PBX3: variants seen among roughly 807,000 people sequenced by gnomAD.
PBX3 encodes pre-B-cell leukemia transcription factor 3.
In PBX3, 14 loss-of-function variants were observed where a neutral mutation model predicts 48.5. The observed-to-expected ratio is 0.29, with a 90% CI of 0.19 to 0.45. The LOEUF (loss-of-function observed/expected upper bound fraction) is 0.45, where lower values mean the gene tolerates loss of function less well. Ranked by LOEUF, PBX3 falls within the 20% of genes least tolerant of loss-of-function variation. PBX3 has a pLI of 1.00. For missense variants in PBX3, 386 were observed against 546.7 expected (o/e 0.71, Z 2.93); for synonymous variants, 210 against 200.3 (o/e 1.05, Z -0.41).
intron 2 of PBX3, among the ~76,000 whole-genome samples, chr9:125,868,196 G>C (rs1029971736): frequency 6.6e-6 from 1 of 150,986 alleles, no homozygotes; most frequent in African/African-American, 2.4e-5. Context: ...TTTTTTACAT[G>C]CTTCCTGTGT....
chr9:125,887,865 T>G (rs1588261515), intron 2 of PBX3, among the ~76,000 whole-genome samples: 2 of 152,170 alleles, frequency 1.3e-5, no homozygotes, highest in Admixed American at 6.5e-5. Context: ...ATAGAAGTTA[T>G]TAACTACAAA....
At chr9:125,856,047 A>G (rs893774954) in intron 2 of PBX3, among the ~76,000 whole-genome samples, 4 of 151,920 alleles carry the variant, frequency 2.6e-5, no homozygotes, top group Non-Finnish European at 5.9e-5. Context: ...GGCCCAAACC[A>G]TAGCCTTATT....
At chr9:125,810,941 G>A (rs1838271993) in intron 2 of PBX3, among the ~76,000 whole-genome samples, 1 of 152,172 alleles carries the variant, frequency 6.6e-6, no homozygotes, top group South Asian at 2.1e-4. Flanking sequence ...TCTTCCATGA[G>A]GATTTGGTTA....
intron 2 of PBX3, among the ~76,000 whole-genome samples, chr9:125,756,019 T>C (rs1836509416): frequency 6.6e-6 from 1 of 152,094 alleles, no homozygotes; most frequent in Non-Finnish European, 1.5e-5. Flanking sequence ...TGCACCAATG[T>C]CACTAAATTG....
intron 2 of PBX3, among the ~76,000 whole-genome samples, chr9:125,788,149 A>G (rs191368411): frequency 3.2e-4 from 49 of 152,358 alleles, no homozygotes; most frequent in Non-Finnish European, 5.6e-4. Flanking sequence ...TTAGATAATT[A>G]GTTGTTTAAT....
intron 2 of PBX3, among the ~76,000 whole-genome samples, chr9:125,810,365 A>AGTGTGTGTGTGT (rs113025234): frequency 2.3e-4 from 33 of 145,516 alleles, no homozygotes; most frequent in East Asian, 1.4e-3. Context: ...AGCAGGAATG[A>AGTGTGTGTGTGT]GTGTGTGTGT....
chr9:125,961,950 G>C (rs533166975), intron 6 of PBX3, 152 bp from the exon 7 acceptor site: 2 of 463,492 alleles, frequency 4.3e-6, no homozygotes, highest in Non-Finnish European at 7.7e-6. Flanking sequence ...CCAACTCTCT[G>C]GAGTTACTCT....
intron 5 of PBX3, among the ~76,000 whole-genome samples, chr9:125,957,877 TAGTC>T (rs1473205430): frequency 1.3e-5 from 2 of 152,210 alleles, no homozygotes; most frequent in African/African-American, 4.8e-5. Flanking sequence ...CTGACAGTCT[TAGTC>T]AGAAACGCTA....
At chr9:125,847,230 A>G (rs1291116657) in intron 2 of PBX3, among the ~76,000 whole-genome samples, 1 of 152,036 alleles carries the variant, frequency 6.6e-6, no homozygotes, top group African/African-American at 2.4e-5. Flanking sequence ...GTAGCAAAAT[A>G]GAAATATTCT....
chr9:125,823,422 A>G (rs1461423262), intron 2 of PBX3, among the ~76,000 whole-genome samples: 3 of 152,220 alleles, frequency 2.0e-5, no homozygotes, highest in Non-Finnish European at 4.4e-5. Context: ...AGCAACAGTA[A>G]TATCTCTTGC....
intron 2 of PBX3, among the ~76,000 whole-genome samples, chr9:125,799,592 G>A (rs1365356089): frequency 6.6e-6 from 1 of 152,070 alleles, no homozygotes; most frequent in Non-Finnish European, 1.5e-5. Flanking sequence ...CTAAAATATT[G>A]CATTATAGTA....
chr9:125,815,317 A>G (rs759197030), intron 2 of PBX3, among the ~76,000 whole-genome samples: 1 of 152,066 alleles, frequency 6.6e-6, no homozygotes, highest in Non-Finnish European at 1.5e-5. Context: ...ACCACATTTC[A>G]TCTTTCTCTT....
intron 2 of PBX3, among the ~76,000 whole-genome samples, chr9:125,877,265 T>C (rs1287640608): frequency 6.6e-6 from 1 of 152,208 alleles, no homozygotes; most frequent in Non-Finnish European, 1.5e-5. Flanking sequence ...AATAAAACCT[T>C]CCCTACTTAA....
chr9:125,748,607 G>T lies in PBX3; in HGVS notation c.258G>T (p.Glu86Asp), dbSNP rs527311115. Residue 86 changes from glutamate to aspartate, a missense_variant, in exon 2 of 9, where the codon GAG (glutamate) becomes GAT (aspartate). Glu to Asp is a conservative substitution (Grantham distance 45). Around this residue, in one of 4 missense-constraint regions of PBX3, gnomAD observed 69 missense variants for 99.1 expected, o/e 0.70. Transcript: ENST00000373489. ...MKPALFSVLC[E>D]IKEKTGLSIR... The stretch of plus-strand genomic sequence containing the variant: ...CAGCGCTCTTCAGCGTCCTGTGTGA[G>T]ATCAAAGAGAAAACAGGTAAGACGC... 5 of 1,613,550 alleles carry T rather than the reference G, an allele frequency of 3.1e-6. No individual in the cohort carries two copies. In the African/African-American group the frequency reaches 4.0e-5, roughly 13 times the overall value.
chr9:125,929,545 A>T (rs1250202159), intron 3 of PBX3, 110 bp from the exon 4 acceptor site: 3 of 702,902 alleles, frequency 4.3e-6, no homozygotes, highest in Non-Finnish European at 7.1e-6. Context: ...TACCCTACAC[A>T]CTGTATAATG....
intron 2 of PBX3, among the ~76,000 whole-genome samples, chr9:125,830,106 G>C (rs1462492893): frequency 1.3e-5 from 2 of 152,138 alleles, no homozygotes; most frequent in Non-Finnish European, 2.9e-5. Flanking sequence ...TCTCAGCACT[G>C]TAGAGTTCAG....
chr9:125,814,875 G>A (rs570068645), intron 2 of PBX3, among the ~76,000 whole-genome samples: 1 of 152,254 alleles, frequency 6.6e-6, no homozygotes, highest in South Asian at 2.1e-4. Flanking sequence ...CATTCAAGCC[G>A]ATTAACAACT....
At chr9:125,780,316 G>A in intron 2 of PBX3, among the ~76,000 whole-genome samples, 1 of 141,008 alleles carries the variant, frequency 7.1e-6, no homozygotes, top group Non-Finnish European at 1.6e-5. Flanking sequence ...AGGGGCGGCT[G>A]GGCAGAGGCG....
intron 6 of PBX3, 108 bp downstream of exon 6, chr9:125,960,957 A>G: frequency 9.1e-7 from 1 of 1,098,102 alleles, no homozygotes; most frequent in Non-Finnish European, 1.3e-6. Flanking sequence ...AGTGGACTTA[A>G]AAAGGAAGAT....
Sources: gnomAD v4.1 joint callset for allele counts (sites outside exome capture counted in the v4.1 genomes callset) on GRCh38, gnomAD v4.1.1 for gene constraint, gnomAD v4.1.1 regional missense constraint, MANE v1.5 for transcripts, NCBI Gene and HGNC (gene_info 2026-07-23, HGNC 2026-07-21) for gene names.